DNAJC5B: variants seen among roughly 807,000 people sequenced by gnomAD.
The protein encoded by DNAJC5B is dnaJ homolog subfamily C member 5B.
Under a neutral mutation model 24.7 loss-of-function variants are expected in DNAJC5B, and 23 were observed. The observed-to-expected ratio is 0.93, with a 90% CI of 0.67 to 1.32. DNAJC5B has a LOEUF of 1.32. Among genes scored for constraint, DNAJC5B ranks in the 40% most tolerant of loss-of-function variants. The pLI, the probability that DNAJC5B is intolerant of heterozygous loss-of-function variation, is 0.00. For synonymous variants in DNAJC5B, 101 were observed against 90.1 expected, an observed-to-expected ratio of 1.12 and a Z score of -0.68; for missense variants, 238 against 240.8, an observed-to-expected ratio of 0.99 and a Z score of 0.08.
chr8:66,038,692 A>G (rs963646601), intron 1 of DNAJC5B, among the ~76,000 whole-genome samples: 8 of 152,150 alleles, frequency 5.3e-5, no homozygotes, highest in African/African-American at 1.9e-4. Flanking sequence ...CCTTTTTTTA[A>G]GCTAACGTTA....
At chr8:66,028,194 A>C (rs1433185520) in intron 1 of DNAJC5B, among the ~76,000 whole-genome samples, 2 of 152,156 alleles carry the variant, frequency 1.3e-5, no homozygotes, top group Non-Finnish European at 2.9e-5. Flanking sequence ...GATTGACACA[A>C]ACTTAGGGAG....
At chr8:66,059,325 T>A (rs151288829) in intron 3 of DNAJC5B, among the ~76,000 whole-genome samples, 1 of 152,368 alleles carries the variant, frequency 6.6e-6, no homozygotes, top group Non-Finnish European at 1.5e-5. Context: ...AGGAGACTTA[T>A]TTGAGTTAAT....
intron 1 of DNAJC5B, among the ~76,000 whole-genome samples, chr8:66,039,360 T>TG (rs905429272): frequency 4.0e-5 from 6 of 151,586 alleles, no homozygotes; most frequent in Non-Finnish European, 8.8e-5. Flanking sequence ...TTTTTTTTTT[T>TG]TTTTTGAGAT....
At chr8:66,042,597 C>CTCTTCTTCT (rs35507342) in intron 1 of DNAJC5B, among the ~76,000 whole-genome samples, 17 of 144,888 alleles carry the variant, frequency 1.2e-4, no homozygotes, top group Admixed American at 2.1e-4. Context: ...CTTCTTCTTC[C>CTCTTCTTCT]TCTTCTTCTT....
chr8:66,052,378 ATCTT>A, intron 3 of DNAJC5B, among the ~76,000 whole-genome samples: 1 of 152,066 alleles, frequency 6.6e-6, no homozygotes, highest in East Asian at 1.9e-4. Flanking sequence ...CTTAATTTTG[ATCTT>A]TTGTGGTCTA....
At chr8:66,022,208 C>T (rs1041976046) in intron 1 of DNAJC5B, among the ~76,000 whole-genome samples, 1 of 152,206 alleles carries the variant, frequency 6.6e-6, no homozygotes, top group Non-Finnish European at 1.5e-5. Context: ...ACCCCGCCCC[C>T]AGCAACTCCT....
intron 5 of DNAJC5B, among the ~76,000 whole-genome samples, chr8:66,096,132 A>G (rs1425584373): frequency 1.3e-5 from 2 of 152,190 alleles, no homozygotes; most frequent in Admixed American, 6.5e-5. Flanking sequence ...GTCAGAGATC[A>G]AGGTAGCAGG....
intron 5 of DNAJC5B, among the ~76,000 whole-genome samples, chr8:66,090,235 G>A (rs1429495793): frequency 6.7e-6 from 1 of 149,904 alleles, no homozygotes; most frequent in Non-Finnish European, 1.5e-5. Flanking sequence ...TGTATGTAGT[G>A]TGTGTGCGTG....
chr8:66,055,917 G>A (rs576982452), intron 3 of DNAJC5B, among the ~76,000 whole-genome samples: 43 of 152,266 alleles, frequency 2.8e-4, no homozygotes, highest in Middle Eastern at 3.4e-3. Context: ...CTGCTGTACT[G>A]CAGCCTGGGT....
rs139053156 is a variant in DNAJC5B, at chr8:66,085,365, G to A, written c.505+4817G>A. Among the ~76,000 whole-genome samples the A allele has an allele frequency of 2.1e-3, 323 of 152,242 alleles. 11 individuals carry two copies. The East Asian group carries it at 0.051, about 24-fold the overall frequency. ...TGAGGCACGAGAATTGCTTGAACCC[G>A]GGAGGCAGAGGTTGCAGTGAGCAGA... is the stretch of plus-strand genomic sequence containing the variant. On this transcript the variant is annotated intron_variant, in intron 5 of 5. Coordinates refer to ENST00000276570, the MANE Select transcript of DNAJC5B (RefSeq NM_033105.6).
At chr8:66,051,451 A>G (rs1806841677) in intron 2 of DNAJC5B, 80 bp from the exon 3 acceptor site, 1 of 809,956 alleles carries the variant, frequency 1.2e-6, no homozygotes, top group African/African-American at 1.7e-5. Flanking sequence ...ATTTTACAAA[A>G]GGTCAAAAAT....
chr8:66,019,840 A>G (rs1468318684), upstream of DNAJC5B, among the ~76,000 whole-genome samples: 1 of 152,140 alleles, frequency 6.6e-6, no homozygotes. Flanking sequence ...GTAGCTAAAT[A>G]TTTTTCATAT....
intron 2 of DNAJC5B, among the ~76,000 whole-genome samples, chr8:66,043,956 T>C (rs1342639261): frequency 6.6e-6 from 1 of 151,824 alleles, no homozygotes; most frequent in East Asian, 1.9e-4. Flanking sequence ...CCTCCTGAGT[T>C]GCTGGGATTA....
intron 2 of DNAJC5B, among the ~76,000 whole-genome samples, chr8:66,044,098 C>T (rs1460794074): frequency 6.6e-6 from 1 of 152,194 alleles, no homozygotes; most frequent in African/African-American, 2.4e-5. Context: ...GCTAGGATTA[C>T]AGGTGCGAGC....
At chr8:66,093,138 C>A (rs1807881496) in intron 5 of DNAJC5B, among the ~76,000 whole-genome samples, 1 of 152,132 alleles carries the variant, frequency 6.6e-6, no homozygotes, top group African/African-American at 2.4e-5. Context: ...CTTATCCATT[C>A]TACTGCTAAT....
intron 3 of DNAJC5B, among the ~76,000 whole-genome samples, chr8:66,073,041 C>T (rs961625134): frequency 6.6e-6 from 1 of 151,644 alleles, no homozygotes; most frequent in East Asian, 1.9e-4. Context: ...CAAGGCAGTA[C>T]AATAAGGGAA....
chr8:66,020,594 CTG>C (rs10526018), upstream of DNAJC5B, among the ~76,000 whole-genome samples: 5,938 of 132,020 alleles, frequency 0.045, 142 homozygotes, highest in East Asian at 0.12. Flanking sequence ...AATCAATACT[CTG>C]TGTGTGTGTG....
At position 66,079,667 on chromosome 8, in the gene DNAJC5B, A is replaced by G. The variant is rs978658403; in HGVS notation, c.334-710A>G. On this transcript the variant is annotated intron_variant, in intron 4 of 5. Coordinates refer to ENST00000276570, the MANE Select transcript of DNAJC5B (RefSeq NM_033105.6). ...TCACCATAATAAGGATCTTGGCTGT[A>G]TCTCAGAGGCAGGAGCGCCATCACA... Among the ~76,000 whole-genome samples the G allele has an allele frequency of 2.0e-5, 3 of 152,226 alleles. No homozygotes were observed. The South Asian group carries it at 6.2e-4, about 31-fold the overall frequency.
intron 1 of DNAJC5B, among the ~76,000 whole-genome samples, chr8:66,021,908 A>G (rs1000877988): frequency 1.3e-5 from 2 of 152,196 alleles, no homozygotes; most frequent in Non-Finnish European, 2.9e-5. Context: ...ATATATTTCT[A>G]TTTAGAGGTT....
Sources: allele counts gnomAD v4.1 joint callset (sites outside exome capture counted in the v4.1 genomes callset), GRCh38; gene constraint gnomAD v4.1.1; transcripts MANE v1.5; gene names NCBI Gene and HGNC (gene_info 2026-07-23, HGNC 2026-07-21).